Variants in COL9A1 observed in about 807,000 individuals in gnomAD.
COL9A1 encodes collagen alpha-1(IX) chain.
COL9A1 carries 104 observed loss-of-function variants against 142.6 expected under a neutral mutation model. That is an observed-to-expected ratio of 0.73 (90% CI 0.62 to 0.86). The LOEUF is 0.86. Among genes scored for constraint, COL9A1 ranks in the 40% least tolerant of loss-of-function variants. COL9A1 has a pLI of 0.00. For missense variants in COL9A1, 1,210 were observed against 1,176.6 expected (o/e 1.03, Z -0.42); for synonymous variants, 466 against 396.0 (o/e 1.18, Z -2.10).
Position 70,253,377 on chromosome 6 carries a change from T to G in COL9A1, c.1764+8A>C, listed in dbSNP as rs1347733960. 2 of 1,574,636 alleles carry G rather than the reference T, an allele frequency of 1.3e-6. No individual in the cohort carries two copies. The highest frequency in any genetic ancestry group is 4.5e-5 in the East Asian group (2 of 44,558). ...AAAGATATTAACTTAAATTTTAAAA[T>G]ATTTTACCTTTTCACCAGCAACACC... On this transcript the variant is annotated splice_region_variant and intron_variant, in intron 26 of 37. Transcript: ENST00000357250.
chr6:70,260,973 C>T (rs1771646602), intron 19 of COL9A1: 2 of 392,966 alleles, frequency 5.1e-6, no homozygotes, highest in Non-Finnish European at 9.2e-6. Flanking sequence ...AAAGTAAATA[C>T]CAGCATAAGA....
intron 6 of COL9A1, among the ~76,000 whole-genome samples, chr6:70,283,417 C>T (rs1048333809): frequency 2.0e-5 from 3 of 152,216 alleles, no homozygotes; most frequent in Admixed American, 2.0e-4. Flanking sequence ...GTGGCCTGTG[C>T]CAGTGCTGGC....
chr6:70,231,725 A>C (rs1408653545), intron 36 of COL9A1, among the ~76,000 whole-genome samples: 2 of 151,796 alleles, frequency 1.3e-5, no homozygotes, highest in Non-Finnish European at 2.9e-5. Flanking sequence ...TAAAAAAAAA[A>C]AAAACAACCC....
chr6:70,242,614 A>C, intron 29 of COL9A1, 48 bp downstream of exon 29: 8 of 1,502,154 alleles, frequency 5.3e-6, no homozygotes, highest in Non-Finnish European at 7.4e-6. Flanking sequence ...ATTTTTAAAA[A>C]TGCATTGTGT....
intron 19 of COL9A1, chr6:70,261,185 C>CT (rs1004294990): frequency 1.2e-5 from 2 of 162,008 alleles, no homozygotes; most frequent in African/African-American, 4.8e-5. Flanking sequence ...TAGAAAGGAG[C>CT]TGGAGCCTCC....
intron 26 of COL9A1, among the ~76,000 whole-genome samples, chr6:70,252,522 A>C (rs1032416375): frequency 6.6e-6 from 1 of 152,210 alleles, no homozygotes; most frequent in Non-Finnish European, 1.5e-5. Flanking sequence ...TCTGGGAAAT[A>C]TATTAAAGGT....
At chr6:70,253,321 A>G in intron 26 of COL9A1, 64 bp downstream of exon 26, 1 of 1,098,504 alleles carries the variant, frequency 9.1e-7, no homozygotes, top group Non-Finnish European at 1.4e-6. Context: ...TAAAAATTAC[A>G]AATACGTTAG....
chr6:70,272,967 T>A (rs1240376555), intron 12 of COL9A1, among the ~76,000 whole-genome samples: 1 of 152,204 alleles, frequency 6.6e-6, no homozygotes, highest in Non-Finnish European at 1.5e-5. Context: ...TTAGAATGGT[T>A]TTTATTCACA....
At chr6:70,267,608 C>T (rs1772112940) in intron 17 of COL9A1, among the ~76,000 whole-genome samples, 1 of 152,168 alleles carries the variant, frequency 6.6e-6, no homozygotes, top group Non-Finnish European at 1.5e-5. Context: ...AGGCGTGAGC[C>T]ACCGCGCCCG....
At chr6:70,262,347 C>A (rs1271111515) in intron 19 of COL9A1, among the ~76,000 whole-genome samples, 1 of 152,170 alleles carries the variant, frequency 6.6e-6, no homozygotes, top group African/African-American at 2.4e-5. Context: ...ACCATTTCTT[C>A]CAGATCCTCT....
At chr6:70,283,030 C>G in intron 6 of COL9A1, 112 bp from the exon 7 acceptor site, 2 of 1,608,996 alleles carry the variant, frequency 1.2e-6, no homozygotes, top group Non-Finnish European at 1.7e-6. Context: ...CAGGGCCCCG[C>G]GGTCCCGCGC....
chr6:70,224,525 G>A (rs977600415), intron 37 of COL9A1, among the ~76,000 whole-genome samples: 19 of 152,274 alleles, frequency 1.2e-4, no homozygotes, highest in African/African-American at 4.1e-4. Flanking sequence ...ACTGTTAAGC[G>A]ATTTGTCAAT....
chr6:70,220,137 ATG>A (rs1768775800), intron 37 of COL9A1, among the ~76,000 whole-genome samples: 1 of 145,694 alleles, frequency 6.9e-6, no homozygotes, highest in African/African-American at 2.7e-5. Flanking sequence ...GCTTTTGATG[ATG>A]TCATCATCAT....
At chr6:70,231,601 G>A (rs1027514488) in intron 36 of COL9A1, among the ~76,000 whole-genome samples, 13 of 151,774 alleles carry the variant, frequency 8.6e-5, no homozygotes, top group African/African-American at 2.7e-4. Context: ...TCCAGCTGAA[G>A]GTCTAGTTAG....
At chr6:70,236,945 C>T (rs1034723211) in intron 33 of COL9A1, among the ~76,000 whole-genome samples, 2 of 152,156 alleles carry the variant, frequency 1.3e-5, no homozygotes, top group Non-Finnish European at 2.9e-5. Flanking sequence ...CCTCAGCCTC[C>T]AGAGTAGCTA....
chr6:70,227,424 T>TAAAAAAAAAAAAA lies in COL9A1; in HGVS notation c.2504-1428_2504-1416dup, dbSNP rs11407353. 1.6e-3 allele frequency among the ~76,000 whole-genome samples: 82 copies of TAAAAAAAAAAAAA among 50,030 alleles called. 2 individuals are homozygous for TAAAAAAAAAAAAA. Among genetic ancestry groups the TAAAAAAAAAAAAA allele is most frequent in the African/African-American group, 7.1e-3 (63 of 8,864 alleles). 32.8% of individuals were successfully genotyped at this position (50,030 alleles called of 152,430 possible). Reference sequence around the variant, plus strand: ...CTCATAACAAAATAAATGCAAATTGTAAAAAAAAAAAAAAAAAAAAAAAAG... The same window carrying TAAAAAAAAAAAAA: ...CTCATAACAAAATAAATGCAAATTGTAAAAAAAAAAAAAAAAAAAAAAAAAAAAAAAAAAAAAG... On this transcript the variant is annotated intron_variant, in intron 36 of 37. Transcript: ENST00000357250.
At chr6:70,220,037 G>C (rs2127547041) in intron 37 of COL9A1, among the ~76,000 whole-genome samples, 2 of 152,186 alleles carry the variant, frequency 1.3e-5, no homozygotes, top group African/African-American at 4.8e-5. Flanking sequence ...AAGAGTCGAT[G>C]AAGCCATCCT....
At chr6:70,301,834 AC>A (rs1315848672) in intron 2 of COL9A1, among the ~76,000 whole-genome samples, 166 bp downstream of exon 2, 2 of 152,188 alleles carry the variant, frequency 1.3e-5, no homozygotes, top group African/African-American at 4.8e-5. Flanking sequence ...CCCAGCATTG[AC>A]CATGGAAAAC....
At chr6:70,274,607 C>T (rs1275294011) in intron 11 of COL9A1, 112 bp downstream of exon 11, 9 of 856,060 alleles carry the variant, frequency 1.1e-5, no homozygotes, top group Middle Eastern at 2.2e-4. Flanking sequence ...TTTAGTTGAA[C>T]GAGTGCATTT....
Sources: gnomAD v4.1 joint callset for allele counts (sites outside exome capture counted in the v4.1 genomes callset) on GRCh38, gnomAD v4.1.1 for gene constraint, MANE v1.5 for transcripts, NCBI Gene and HGNC (gene_info 2026-07-23, HGNC 2026-07-21) for gene names.